The following ATP6V0D1 variants were observed in gnomAD, a reference collection of about 807,000 sequenced individuals.
ATP6V0D1 encodes the protein ATPase H+ transporting V0 subunit d1.
A neutral mutation model predicts 39.0 loss-of-function variants in ATP6V0D1; 13 were observed. That is an observed-to-expected ratio of 0.33 (90% CI 0.22 to 0.53). The LOEUF (loss-of-function observed/expected upper bound fraction) is 0.53. Ranked by LOEUF, ATP6V0D1 falls within the 20% of genes least tolerant of loss-of-function variation. The pLI is 0.94. For missense variants in ATP6V0D1, 272 were observed against 470.9 expected (o/e 0.58, Z 3.91); for synonymous variants, 191 against 191.2 (o/e 1.00, Z 0.01).
intron 1 of ATP6V0D1, among the ~76,000 whole-genome samples, chr16:67,462,541 G>A (rs543112778): frequency 4.9e-4 from 75 of 152,346 alleles, no homozygotes; most frequent in Admixed American, 2.8e-3. Context: ...AAAGCTGGCC[G>A]AGGCTGGGCA....
intron 1 of ATP6V0D1, among the ~76,000 whole-genome samples, chr16:67,477,223 TAATC>T (rs1567543853): frequency 6.6e-6 from 1 of 152,074 alleles, no homozygotes; most frequent in African/African-American, 2.4e-5. Flanking sequence ...GAAAATCTAT[TAATC>T]AAGTGATCTA....
intron 1 of ATP6V0D1, among the ~76,000 whole-genome samples, chr16:67,464,823 A>G (rs1156639479): frequency 1.3e-5 from 2 of 152,266 alleles, no homozygotes; most frequent in East Asian, 3.8e-4. Flanking sequence ...GGGCCAGGCA[A>G]GAGCTGGCCA....
At chr16:67,473,677 CCAT>C (rs1446268578) in intron 1 of ATP6V0D1, among the ~76,000 whole-genome samples, 2 of 152,226 alleles carry the variant, frequency 1.3e-5, no homozygotes, top group African/African-American at 4.8e-5. Context: ...GCGCCCACCA[CCAT>C]GCCTGGCTAA....
intron 2 of ATP6V0D1, among the ~76,000 whole-genome samples, chr16:67,452,783 C>T (rs2041196386): frequency 6.6e-6 from 1 of 152,078 alleles, no homozygotes; most frequent in Non-Finnish European, 1.5e-5. Context: ...GTCCAGGTGC[C>T]CTCCCCGTGC....
chr16:67,474,416 C>T (rs558624856), intron 1 of ATP6V0D1, among the ~76,000 whole-genome samples: 23 of 152,342 alleles, frequency 1.5e-4, no homozygotes, highest in Middle Eastern at 3.4e-3. Flanking sequence ...CCATCCACTG[C>T]GGTCACCTTC....
chr16:67,481,083 A>C lies in ATP6V0D1; in HGVS notation c.4T>G (p.Ser2Ala). 6.2e-7 allele frequency: 1 copy of C among 1,614,070 alleles called. No homozygotes were observed. Among genetic ancestry groups the C allele is most frequent in the Non-Finnish European group, 8.5e-7 (1 of 1,179,904 alleles). Residue 2 changes from serine to alanine, a missense_variant, in exon 1 of 8, where the codon TCG becomes GCG. Around this residue, in one of 4 missense-constraint regions of ATP6V0D1, gnomAD observed 81 missense variants for 96.0 expected, o/e 0.84. Transcript: ENST00000290949. ...TTAAAGTAAAGCTCCGGGAAGAACG[A>C]CATGGCTGCTGCGGGAGCGGCGGGA... is the stretch of plus-strand genomic sequence containing the variant. The part of the protein sequence containing the change: M[S>A]FFPELYFNVD...
Position 67,438,993 on chromosome 16 carries a change from T to G in ATP6V0D1, c.794A>C (p.Lys265Thr), listed in dbSNP as rs372094397. 6.2e-7 allele frequency: 1 copy of G among 1,614,108 alleles called. No homozygotes were observed. The highest frequency in any genetic ancestry group is 2.2e-5 in the East Asian group (1 of 44,872). The change falls in exon 6 of 8, where the codon AAG becomes ACG. Residue 265 changes from lysine (K) to threonine (T), a missense_variant. Physicochemically the swap from Lys to Thr is moderately conservative, Grantham distance 78. Transcript: ENST00000290949. The stretch of plus-strand genomic sequence containing the variant: ...CACCGGGTAGTAATCGGCCACGTTC[T>G]TGACCTGTTCATAGTCGTCAGCCCG... ...LARADDYEQV[K>T]NVADYYPEYK...
At chr16:67,454,612 C>T (rs1272971899) in intron 1 of ATP6V0D1, 1 of 151,644 alleles carries the variant, frequency 6.6e-6, no homozygotes, top group Non-Finnish European at 1.5e-5. Context: ...CCAGGCTGAA[C>T]TTGAACTCCT....
At chr16:67,443,390 T>C (rs1196879857) in intron 3 of ATP6V0D1, 3 of 547,154 alleles carry the variant, frequency 5.5e-6, no homozygotes, top group South Asian at 2.5e-5. Flanking sequence ...TCCTTGCTCC[T>C]AAAATTGATT....
chr16:67,461,116 G>GT (rs952033732), intron 1 of ATP6V0D1, among the ~76,000 whole-genome samples: 1 of 152,188 alleles, frequency 6.6e-6, no homozygotes, highest in African/African-American at 2.4e-5. Context: ...GAGCCCAGCA[G>GT]TGTGTAGCCT....
intron 2 of ATP6V0D1, among the ~76,000 whole-genome samples, chr16:67,445,258 G>A (rs1003789838): frequency 1.3e-5 from 2 of 152,224 alleles, no homozygotes; most frequent in South Asian, 2.1e-4. Flanking sequence ...GCAGGCGGGG[G>A]GCAGAGGCTG....
At chr16:67,460,734 T>C (rs951956310) in intron 1 of ATP6V0D1, among the ~76,000 whole-genome samples, 3 of 152,140 alleles carry the variant, frequency 2.0e-5, no homozygotes, top group African/African-American at 7.2e-5. Context: ...GGGGTATCCA[T>C]GGCACCTTTC....
chr16:67,443,252 G>A (rs574911355), intron 3 of ATP6V0D1, 74 bp from the exon 4 acceptor site: 77 of 1,475,094 alleles, frequency 5.2e-5, no homozygotes, highest in South Asian at 3.8e-4. Context: ...TGCCCTACAC[G>A]GCACAGAGTG....
At position 67,443,177 on chromosome 16, in the gene ATP6V0D1, C is replaced by T. The variant is rs1409583918; in HGVS notation, c.483G>A (p.Ala161=). The part of the protein sequence containing the change: ...YNAILVDTPL[A]AFFQDCISEQ... ...CTGAAATGCAGTCCTGGAAAAAAGCCGCTGGGGAGGAAACATGGTTTGAGG... is the reference window on the plus strand; with the variant it reads ...CTGAAATGCAGTCCTGGAAAAAAGCTGCTGGGGAGGAAACATGGTTTGAGG... The change falls in exon 4 of 8, where the codon GCG becomes GCA. Residue 161 remains alanine, a splice_region_variant and synonymous_variant. Coordinates refer to ENST00000290949, the MANE Select transcript of ATP6V0D1 (RefSeq NM_004691.5). The T allele has an allele frequency of 1.9e-6, 3 of 1,613,776 alleles. No individual in the cohort carries two copies. The highest frequency in any genetic ancestry group is 2.5e-6 in the Non-Finnish European group (3 of 1,179,970).
At chr16:67,443,962 T>C (rs936294437) in intron 3 of ATP6V0D1, among the ~76,000 whole-genome samples, 2 of 152,178 alleles carry the variant, frequency 1.3e-5, no homozygotes, top group Non-Finnish European at 2.9e-5. Flanking sequence ...CTCCTCGGCC[T>C]CCTAAGCAGG....
chr16:67,439,474 C>T (rs2041021419), intron 4 of ATP6V0D1, 123 bp from the exon 5 acceptor site: 1 of 887,610 alleles, frequency 1.1e-6, no homozygotes. Flanking sequence ...CAAGCACACC[C>T]ATGGATGGGC....
chr16:67,448,388 T>C (rs969928211), intron 2 of ATP6V0D1, among the ~76,000 whole-genome samples: 1 of 151,172 alleles, frequency 6.6e-6, no homozygotes, highest in Non-Finnish European at 1.5e-5. Context: ...GGGTGGGTGC[T>C]GTGGCTCATG....
intron 1 of ATP6V0D1, among the ~76,000 whole-genome samples, chr16:67,474,801 C>T (rs1055069248): frequency 1.3e-5 from 2 of 152,216 alleles, no homozygotes; most frequent in African/African-American, 4.8e-5. Context: ...AGATGGCTCA[C>T]AGATCCCTCA....
chr16:67,472,774 G>A (rs2041383960), intron 1 of ATP6V0D1, among the ~76,000 whole-genome samples: 2 of 152,268 alleles, frequency 1.3e-5, no homozygotes, highest in East Asian at 1.9e-4. Flanking sequence ...GGAGGCTGAG[G>A]CAGGAGAATG....
Sources: gnomAD v4.1 joint callset for allele counts (sites outside exome capture counted in the v4.1 genomes callset) on GRCh38, gnomAD v4.1.1 for gene constraint, gnomAD v4.1.1 regional missense constraint, MANE v1.5 for transcripts, NCBI Gene and HGNC (gene_info 2026-07-23, HGNC 2026-07-21) for gene names.